Variants in EPYC observed in about 807,000 individuals in gnomAD.
The protein encoded by EPYC is dermatan sulfate proteoglycan 3.
EPYC carries 28 observed loss-of-function variants against 30.1 expected under a neutral mutation model. That is an observed-to-expected ratio of 0.93 (90% confidence interval 0.69 to 1.28). EPYC has a LOEUF of 1.28. Among genes scored for constraint, EPYC ranks in the 50% most tolerant of loss-of-function variants. The probability of loss-of-function intolerance (pLI) is 0.00; values close to 1 mark genes in which losing one functional copy is unlikely to be tolerated. For missense variants in EPYC, 382 were observed against 383.5 expected, an observed-to-expected ratio of 1.00 and a Z score of 0.03; for synonymous variants, 144 against 141.4, an observed-to-expected ratio of 1.02 and a Z score of -0.13.
intron 2 of EPYC, among the ~76,000 whole-genome samples, chr12:90,995,089 G>A (rs1436028514): frequency 1.3e-5 from 2 of 152,058 alleles, no homozygotes; most frequent in Admixed American, 6.6e-5. Flanking sequence ...CTTTAAACAT[G>A]AGCCTGGTGC....
chr12:90,971,265 T>C (rs1435833916), intron 5 of EPYC, among the ~76,000 whole-genome samples: 1 of 152,122 alleles, frequency 6.6e-6, no homozygotes, highest in Non-Finnish European at 1.5e-5. Flanking sequence ...CTGCTTTCTG[T>C]TTTTGGTACT....
At chr12:90,978,502 T>G (rs146867808) in intron 2 of EPYC, among the ~76,000 whole-genome samples, 1 of 151,736 alleles carries the variant, frequency 6.6e-6, no homozygotes, top group Non-Finnish European at 1.5e-5. Flanking sequence ...TTTTTTTTGG[T>G]CTTCTTGTTC....
At chr12:90,983,239 A>G (rs1419365454) in intron 2 of EPYC, among the ~76,000 whole-genome samples, 1 of 152,068 alleles carries the variant, frequency 6.6e-6, no homozygotes, top group Non-Finnish European at 1.5e-5. Context: ...CACAAAATAT[A>G]CTCCCTAAGC....
intron 2 of EPYC, among the ~76,000 whole-genome samples, chr12:90,990,807 A>G (rs1282311843): frequency 6.6e-6 from 1 of 152,054 alleles, no homozygotes; most frequent in African/African-American, 2.4e-5. Context: ...ATAAAAAAAC[A>G]CCCTGCCAAA....
rs913177484 is a variant in EPYC, at chr12:90,984,056, G to A, written c.166-5794C>T. 5.3e-5 allele frequency among the ~76,000 whole-genome samples: 8 copies of A among 152,166 alleles called. No individual in the cohort carries two copies. In the Middle Eastern group the frequency reaches 0.01, roughly 194 times the overall value. On this transcript the variant is annotated intron_variant, in intron 2 of 6. Transcript: ENST00000261172. ...CAAAAGGCATCACTCTTCCAACCCTGGAGATCCCATCCCTCCCTCAGGGTA... is the reference window on the plus strand; with the variant it reads ...CAAAAGGCATCACTCTTCCAACCCTAGAGATCCCATCCCTCCCTCAGGGTA...
intron 2 of EPYC, among the ~76,000 whole-genome samples, chr12:90,993,558 T>C (rs1048722005): frequency 9.2e-5 from 14 of 152,140 alleles, no homozygotes; most frequent in Admixed American, 5.2e-4. Context: ...TGAATCTCTA[T>C]GAGTTATAAT....
intron 2 of EPYC, among the ~76,000 whole-genome samples, chr12:90,989,875 T>A (rs1025765895): frequency 7.2e-5 from 11 of 152,096 alleles, no homozygotes; most frequent in African/African-American, 2.7e-4. Context: ...TTAAAATGTG[T>A]CATCTAGTTC....
At position 91,000,483 on chromosome 12, in the gene EPYC, A is replaced by C. The variant is rs185712645; in HGVS notation, c.165+1918T>G. On this transcript the variant is annotated intron_variant, in intron 2 of 6. Coordinates refer to ENST00000261172, the MANE Select transcript of EPYC (RefSeq NM_004950.5). ...ACCTCATGAGAATGCCTACAGCTTT[A>C]TGGGCAGTGAAAATGATCCTGATGG... Among the ~76,000 whole-genome samples the C allele has an allele frequency of 1.6e-3, 249 of 152,184 alleles. 1 individual carries two copies. The highest frequency in any genetic ancestry group is 3.1e-3 in the Admixed American group (47 of 15,266).
intron 2 of EPYC, among the ~76,000 whole-genome samples, chr12:91,002,004 T>G (rs987697355): frequency 6.6e-6 from 1 of 151,562 alleles, no homozygotes; most frequent in African/African-American, 2.4e-5. Flanking sequence ...CTGGCCAACA[T>G]GGTGAAATCC....
chr12:90,979,009 G>GT (rs200744345), intron 2 of EPYC, among the ~76,000 whole-genome samples: 4 of 151,786 alleles, frequency 2.6e-5, no homozygotes, highest in East Asian at 3.9e-4. Flanking sequence ...TTATTCAAAG[G>GT]TTTTTTTTTA....
At chr12:91,001,643 A>G (rs1470511419) in intron 2 of EPYC, among the ~76,000 whole-genome samples, 1 of 152,150 alleles carries the variant, frequency 6.6e-6, no homozygotes, top group East Asian at 1.9e-4. Context: ...TTAGGGAAGC[A>G]CATTCACTGT....
At chr12:90,997,631 T>C (rs995425501) in intron 2 of EPYC, among the ~76,000 whole-genome samples, 2 of 152,142 alleles carry the variant, frequency 1.3e-5, no homozygotes, top group African/African-American at 4.8e-5. Flanking sequence ...AGTTTTCTGA[T>C]GAACCCTTTA....
chr12:90,975,887 T>C (rs1877166943), intron 3 of EPYC, among the ~76,000 whole-genome samples: 1 of 152,150 alleles, frequency 6.6e-6, no homozygotes, highest in Non-Finnish European at 1.5e-5. Context: ...AATATATTCA[T>C]TAATGACACT....
chr12:90,989,586 A>G (rs1399881021), intron 2 of EPYC, among the ~76,000 whole-genome samples: 1 of 152,012 alleles, frequency 6.6e-6, no homozygotes, highest in African/African-American at 2.4e-5. Context: ...ATGCTTACTC[A>G]TACACAATGC....
In EPYC at chr12:90,978,265, G is replaced by A. The variant is rs1301118783; in HGVS notation, c.166-3C>T. ...GGCATCACTGTGGCTATTTCAATCT[G>A]AAAAAAAAAAAAAAAAGAGAATTTC... On this transcript the variant is annotated splice_region_variant and splice_polypyrimidine_tract_variant and intron_variant, in intron 2 of 6. Transcript: ENST00000261172. The A allele has an allele frequency of 7.3e-5, 99 of 1,357,410 alleles. No individual in the cohort carries two copies. The highest frequency in any genetic ancestry group is 4.5e-4 in the Admixed American group (17 of 37,854). 84.1% of individuals were successfully genotyped at this position (1,357,410 alleles called of 1,614,324 possible). A position where few individuals can be genotyped will look rare whatever the true frequency, so the allele number is the denominator to read the frequency against.
At chr12:90,996,844 A>G (rs1877702815) in intron 2 of EPYC, among the ~76,000 whole-genome samples, 1 of 152,086 alleles carries the variant, frequency 6.6e-6, no homozygotes, top group Non-Finnish European at 1.5e-5. Context: ...ATGAATGCAT[A>G]TACCATATCA....
intron 3 of EPYC, among the ~76,000 whole-genome samples, chr12:90,976,413 G>C (rs1321493989): frequency 6.6e-6 from 1 of 152,000 alleles, no homozygotes; most frequent in East Asian, 1.9e-4. Context: ...CCTCTATAAG[G>C]TAAGTTCTAT....
chr12:90,992,244 G>A (rs530309078), intron 2 of EPYC, among the ~76,000 whole-genome samples: 15 of 152,306 alleles, frequency 9.8e-5, no homozygotes, highest in Admixed American at 5.9e-4. Context: ...AGGAGGTGGA[G>A]CTCAGGCAGT....
At chr12:90,995,047 C>T (rs995850705) in intron 2 of EPYC, among the ~76,000 whole-genome samples, 1 of 152,094 alleles carries the variant, frequency 6.6e-6, no homozygotes, top group Non-Finnish European at 1.5e-5. Context: ...AACATACTGA[C>T]ATATAGATAT....
Sources: allele counts gnomAD v4.1 joint callset (sites outside exome capture counted in the v4.1 genomes callset), GRCh38; gene constraint gnomAD v4.1.1; transcripts MANE v1.5; gene names NCBI Gene and HGNC (gene_info 2026-07-23, HGNC 2026-07-21).